NEK4: variants seen among roughly 807,000 people sequenced by gnomAD.
The protein encoded by NEK4 is serine/threonine-protein kinase Nek4.
Under a neutral mutation model 98.4 loss-of-function variants are expected in NEK4, and 86 were observed. That is an observed-to-expected ratio of 0.87 (90% CI 0.73 to 1.05). The LOEUF (loss-of-function observed/expected upper bound fraction) is 1.05. NEK4 is among the 50% of genes least tolerant of loss of function. The pLI, the probability that NEK4 is intolerant of heterozygous loss-of-function variation, is 0.00. For missense variants in NEK4, 898 were observed against 950.3 expected (o/e 0.94, Z 0.72); for synonymous variants, 328 against 342.2 (o/e 0.96, Z 0.46).
intron 5 of NEK4, among the ~76,000 whole-genome samples, chr3:52,762,928 C>T (rs1267904362): frequency 6.6e-6 from 1 of 152,134 alleles, no homozygotes; most frequent in Non-Finnish European, 1.5e-5. Context: ...GCACTCTGAT[C>T]TTCCCTTTTT....
intron 15 of NEK4, among the ~76,000 whole-genome samples, chr3:52,725,658 A>C (rs1327285012): frequency 6.6e-6 from 1 of 152,220 alleles, no homozygotes; most frequent in East Asian, 1.9e-4. Context: ...ATAAATTCAA[A>C]CTAGAGTATT....
chr3:52,766,215 C>G lies in NEK4; in HGVS notation c.521G>C (p.Ser174Thr). 5 of 1,614,104 alleles carry G rather than the reference C, an allele frequency of 3.1e-6. No individual in the cohort carries two copies. The highest frequency in any genetic ancestry group is 4.2e-6 in the Non-Finnish European group (5 of 1,179,984). The stretch of plus-strand genomic sequence containing the variant: ...GGGTTTGTTTGAGAACAATTCAGGG[C>G]TCATGTAGTAGGGTGTGCCAATGAG... ...STLIGTPYYMSPELFSNKPYN... is the reference protein window; with the variant it reads ...STLIGTPYYMTPELFSNKPYN... Residue 174 changes from serine to threonine, a missense_variant, in exon 3 of 16, where the codon AGC becomes ACC. Coordinates refer to ENST00000233027, the MANE Select transcript of NEK4 (RefSeq NM_003157.6).
chr3:52,726,275 G>C (rs114286689), intron 15 of NEK4, among the ~76,000 whole-genome samples: 2,520 of 152,216 alleles, frequency 0.017, 80 homozygotes, highest in African/African-American at 0.057. Flanking sequence ...ATAATGGATA[G>C]AACAACCTGG....
chr3:52,720,710 TAAAC>T (rs1010497521), intron 15 of NEK4, among the ~76,000 whole-genome samples: 17 of 152,096 alleles, frequency 1.1e-4, no homozygotes, highest in African/African-American at 3.6e-4. Flanking sequence ...AATTCCCAGA[TAAAC>T]AAAAGCAGAG....
chr3:52,754,092 G>GT, intron 6 of NEK4: 1 of 246,612 alleles, frequency 4.1e-6, no homozygotes, highest in South Asian at 5.1e-5. Context: ...AACCCAGGAG[G>GT]CAGAGGTTGC....
chr3:52,718,318 C>T (rs1243567238), intron 15 of NEK4, among the ~76,000 whole-genome samples: 1 of 150,794 alleles, frequency 6.6e-6, no homozygotes. Context: ...ATTAAAAATA[C>T]AAAAATTAGC....
chr3:52,741,268 C>T (rs1313939999), intron 13 of NEK4, 143 bp downstream of exon 13: 7 of 406,126 alleles, frequency 1.7e-5, no homozygotes, highest in Non-Finnish European at 2.2e-5. Context: ...AGAAGAGACA[C>T]TTTTAGCTCC....
intron 6 of NEK4, chr3:52,754,496 G>T: frequency 2.4e-6 from 2 of 847,736 alleles, no homozygotes; most frequent in South Asian, 2.6e-5. Flanking sequence ...TCGTCTGTCT[G>T]ACCAATTTAA....
intron 6 of NEK4, among the ~76,000 whole-genome samples, chr3:52,756,915 C>T (rs1176102927): frequency 6.6e-6 from 1 of 152,094 alleles, no homozygotes; most frequent in Non-Finnish European, 1.5e-5. Context: ...AAAAAATGAA[C>T]GACCCAACTC....
chr3:52,724,004 G>C (rs372560950), intron 15 of NEK4, among the ~76,000 whole-genome samples: 2 of 152,058 alleles, frequency 1.3e-5, no homozygotes, highest in Non-Finnish European at 2.9e-5. Context: ...AGGCCACGGC[G>C]GGTGGATCAC....
intron 4 of NEK4, among the ~76,000 whole-genome samples, chr3:52,765,505 G>A (rs1698526146): frequency 6.6e-6 from 1 of 152,244 alleles, no homozygotes; most frequent in Middle Eastern, 3.4e-3. Context: ...ACTGATTGTT[G>A]TGATGATTAT....
At chr3:52,742,576 A>T (rs1469944250) in intron 12 of NEK4, among the ~76,000 whole-genome samples, 1 of 152,158 alleles carries the variant, frequency 6.6e-6, no homozygotes, top group Non-Finnish European at 1.5e-5. Context: ...ATGGGTTAGA[A>T]ACCTAGTAAT....
intron 15 of NEK4, among the ~76,000 whole-genome samples, chr3:52,715,409 C>T (rs575061958): frequency 3.3e-5 from 5 of 152,214 alleles, no homozygotes; most frequent in Admixed American, 2.6e-4. Flanking sequence ...TTTTCTGAGA[C>T]GGAGCCTTGC....
chr3:52,740,438 T>G (rs1267393718), intron 13 of NEK4, among the ~76,000 whole-genome samples: 1 of 151,990 alleles, frequency 6.6e-6, no homozygotes, highest in African/African-American at 2.4e-5. Context: ...GATTAGACAC[T>G]GCAGAAGAAA....
intron 7 of NEK4, among the ~76,000 whole-genome samples, chr3:52,751,030 GC>G (rs2097404049): frequency 6.6e-6 from 1 of 152,124 alleles, no homozygotes; most frequent in African/African-American, 2.4e-5. Flanking sequence ...AAGAAGGCAG[GC>G]CAGGCCCAGT....
intron 15 of NEK4, among the ~76,000 whole-genome samples, chr3:52,715,888 C>T (rs985766695): frequency 2.6e-5 from 4 of 152,238 alleles, no homozygotes; most frequent in Non-Finnish European, 5.9e-5. Flanking sequence ...TGTGGCCCTT[C>T]AAGGAGCCCA....
Position 52,748,948 on chromosome 3 carries a change from G to A in NEK4, c.1506+744C>T, listed in dbSNP as rs371589382. Among the ~76,000 whole-genome samples, 17 of 152,102 alleles carry A rather than the reference G, an allele frequency of 1.1e-4. No individual in the cohort carries two copies. In the East Asian group the frequency reaches 1.7e-3, roughly 16 times the overall value. ...AAAAAATAGAAAAAATTAGCCAGGCGTGCTGGCGTATGCCTGTAGTCCCAG... is the reference window on the plus strand; with the variant it reads ...AAAAAATAGAAAAAATTAGCCAGGCATGCTGGCGTATGCCTGTAGTCCCAG... On this transcript the variant is annotated intron_variant, in intron 8 of 15. Coordinates refer to ENST00000233027, the MANE Select transcript of NEK4 (RefSeq NM_003157.6).
At chr3:52,724,840 T>C (rs2097363078) in intron 15 of NEK4, among the ~76,000 whole-genome samples, 1 of 152,218 alleles carries the variant, frequency 6.6e-6, no homozygotes, top group African/African-American at 2.4e-5. Context: ...AAATGATAAA[T>C]ACTTGAGGTG....
rs1559441493 is a variant in NEK4, at chr3:52,752,955, A to ACACACACACACACACACAC, written c.964-620_964-619insGTGTGTGTGTGTGTGTGTG. ...ATATACACACACACACACACACACA[A>ACACACACACACACACACAC]TGGAATATTTCTAATCTATAAAAAG... On this transcript the variant is annotated intron_variant, in intron 6 of 15. Transcript: ENST00000233027. Among the ~76,000 whole-genome samples the ACACACACACACACACACAC allele has an allele frequency of 3.7e-4, 46 of 125,932 alleles. 2 individuals carry two copies. The highest frequency in any genetic ancestry group is 1.5e-3 in the African/African-American group (43 of 29,346). 82.6% of individuals were successfully genotyped at this position (125,932 alleles called of 152,430 possible). A position where few individuals can be genotyped will look rare whatever the true frequency, so the allele number is the denominator to read the frequency against.
Sources: gnomAD v4.1 joint callset for allele counts (sites outside exome capture counted in the v4.1 genomes callset) on GRCh38, gnomAD v4.1.1 for gene constraint, MANE v1.5 for transcripts, NCBI Gene and HGNC (gene_info 2026-07-23, HGNC 2026-07-21) for gene names.